Variants in CLDN10 observed in about 807,000 individuals in gnomAD.
CLDN10 encodes the protein claudin 10, also known as claudin-10.
A neutral mutation model predicts 22.9 loss-of-function variants in CLDN10; 15 were observed. The ratio of observed to expected loss-of-function variants is 0.65; its 90% CI spans 0.44 to 1.01. The LOEUF is 1.01. Ranked by LOEUF, CLDN10 falls within the 50% of genes least tolerant of loss-of-function variation. CLDN10 has a pLI of 0.00. For missense variants in CLDN10, 247 were observed against 287.8 expected, an observed-to-expected ratio of 0.86 and a Z score of 1.03; for synonymous variants, 114 against 111.4, an observed-to-expected ratio of 1.02 and a Z score of -0.15.
At chr13:95,554,790 A>C (rs895375966) in intron 1 of CLDN10, among the ~76,000 whole-genome samples, 3 of 152,216 alleles carry the variant, frequency 2.0e-5, no homozygotes, top group Non-Finnish European at 4.4e-5. Context: ...AAAATGGCTT[A>C]GTTAACCATA....
At chr13:95,500,109 G>A (rs2042969423) in intron 1 of CLDN10, among the ~76,000 whole-genome samples, 1 of 152,158 alleles carries the variant, frequency 6.6e-6, no homozygotes, top group Non-Finnish European at 1.5e-5. Flanking sequence ...CTTACTGACT[G>A]CCTGCTATGT....
At chr13:95,545,646 T>TA in intron 1 of CLDN10, among the ~76,000 whole-genome samples, 1 of 152,310 alleles carries the variant, frequency 6.6e-6, no homozygotes, top group South Asian at 2.1e-4. Context: ...ATTCTAGAAA[T>TA]AAAAATATAT....
chr13:95,487,567 G>A (rs2042817525), intron 1 of CLDN10, among the ~76,000 whole-genome samples: 1 of 152,190 alleles, frequency 6.6e-6, no homozygotes, highest in South Asian at 2.1e-4. Context: ...TAGAGAATTT[G>A]AAACATATAC....
chr13:95,441,316 C>T (rs982440018), intron 1 of CLDN10, among the ~76,000 whole-genome samples: 12 of 152,234 alleles, frequency 7.9e-5, no homozygotes, highest in South Asian at 2.1e-4. Context: ...GGTGCAGTGG[C>T]GTGATCACAG....
intron 1 of CLDN10, chr13:95,434,081 A>G (rs750531757): frequency 1.3e-6 from 2 of 1,583,310 alleles, no homozygotes; most frequent in African/African-American, 1.3e-5. Flanking sequence ...GGTGGAGGTA[A>G]AATGTACTTT....
chr13:95,530,284 T>G (rs2043326725), intron 1 of CLDN10, among the ~76,000 whole-genome samples: 1 of 152,240 alleles, frequency 6.6e-6, no homozygotes, highest in Admixed American at 6.5e-5. Flanking sequence ...TTTCCAGAAC[T>G]GCTGTTTACT....
At chr13:95,524,847 T>C (rs2043262697) in intron 1 of CLDN10, among the ~76,000 whole-genome samples, 1 of 146,762 alleles carries the variant, frequency 6.8e-6, no homozygotes, top group Admixed American at 6.8e-5. Context: ...TTATTTTTTA[T>C]TTTATTTATT....
At chr13:95,460,690 A>C (rs1274217713) in intron 1 of CLDN10, among the ~76,000 whole-genome samples, 1 of 152,210 alleles carries the variant, frequency 6.6e-6, no homozygotes, top group African/African-American at 2.4e-5. Context: ...GGGTGAGGAC[A>C]CAGCCAAACC....
At chr13:95,455,844 G>C (rs1340802403) in intron 1 of CLDN10, among the ~76,000 whole-genome samples, 1 of 152,184 alleles carries the variant, frequency 6.6e-6, no homozygotes, top group Non-Finnish European at 1.5e-5. Flanking sequence ...AATTAATCCA[G>C]TGAAATGTTC....
intron 1 of CLDN10, among the ~76,000 whole-genome samples, chr13:95,435,734 G>A (rs769299178): frequency 1.4e-4 from 21 of 152,008 alleles, no homozygotes; most frequent in Non-Finnish European, 2.2e-4. Flanking sequence ...GCCCCTCTTG[G>A]CCCTTTTTCA....
At chr13:95,492,799 C>A (rs2042888102) in intron 1 of CLDN10, among the ~76,000 whole-genome samples, 1 of 152,162 alleles carries the variant, frequency 6.6e-6, no homozygotes, top group Non-Finnish European at 1.5e-5. Flanking sequence ...TGGTGTCAGG[C>A]AGGAATGGGC....
At chr13:95,517,795 G>T (rs150602668) in intron 1 of CLDN10, among the ~76,000 whole-genome samples, 4 of 151,942 alleles carry the variant, frequency 2.6e-5, no homozygotes, top group African/African-American at 7.3e-5. Flanking sequence ...TTAGCCAGGC[G>T]TGGTGGCGGG....
rs551586280 is a variant in CLDN10, at chr13:95,473,795, C to A, written c.214+39748C>A. On this transcript the variant is annotated intron_variant, in intron 1 of 4. Transcript: ENST00000376873. Reference sequence around the variant, plus strand: ...CCACATCTGGAGAATCACCGGTGAACTCATTTCACAGAAAACCTTCAAAGG... The same window carrying A: ...CCACATCTGGAGAATCACCGGTGAAATCATTTCACAGAAAACCTTCAAAGG... Among the ~76,000 whole-genome samples the A allele has an allele frequency of 2.8e-3, 421 of 152,314 alleles. 2 individuals are homozygous for A. Among genetic ancestry groups the A allele is most frequent in the Middle Eastern group, 0.017 (5 of 294 alleles).
intron 1 of CLDN10, among the ~76,000 whole-genome samples, chr13:95,486,237 G>A (rs951469461): frequency 6.6e-6 from 1 of 152,136 alleles, no homozygotes; most frequent in South Asian, 2.1e-4. Context: ...CTCAACTCCT[G>A]CAAGTGGTAG....
intron 1 of CLDN10, among the ~76,000 whole-genome samples, chr13:95,471,625 T>C (rs1486506414): frequency 1.3e-5 from 2 of 151,788 alleles, no homozygotes. Context: ...GCTAATTTTG[T>C]ATTTTTAGTA....
At chr13:95,526,548 TTG>T (rs1485009448) in intron 1 of CLDN10, among the ~76,000 whole-genome samples, 1 of 152,094 alleles carries the variant, frequency 6.6e-6, no homozygotes, top group Admixed American at 6.5e-5. Flanking sequence ...TGCCAATGTT[TTG>T]TGTTTTGAGA....
chr13:95,540,123 A>G (rs2043443795), intron 1 of CLDN10, among the ~76,000 whole-genome samples: 1 of 151,854 alleles, frequency 6.6e-6, no homozygotes, highest in South Asian at 2.1e-4. Flanking sequence ...AATATGATGA[A>G]ATCCCGTCTC....
chr13:95,474,445 C>G (rs1252729930), intron 1 of CLDN10, among the ~76,000 whole-genome samples: 1 of 152,184 alleles, frequency 6.6e-6, no homozygotes, highest in South Asian at 2.1e-4. Flanking sequence ...AGGCCACAGA[C>G]TGGTACCAGC....
chr13:95,553,317 C>T (rs953141414), intron 1 of CLDN10, among the ~76,000 whole-genome samples: 3 of 152,142 alleles, frequency 2.0e-5, no homozygotes, highest in Admixed American at 1.3e-4. Flanking sequence ...TCTTGGGGAC[C>T]GCTGGGACCC....
Sources: allele counts gnomAD v4.1 joint callset (sites outside exome capture counted in the v4.1 genomes callset), GRCh38; gene constraint gnomAD v4.1.1; transcripts MANE v1.5; gene names NCBI Gene and HGNC (gene_info 2026-07-23, HGNC 2026-07-21).